The following TUT1 variants were observed in gnomAD, a reference collection of about 807,000 sequenced individuals.
The protein encoded by TUT1 is terminal uridylyl transferase 1, U6 snRNA-specific.
A neutral mutation model predicts 48.8 loss-of-function variants in TUT1; 26 were observed. The ratio of observed to expected loss-of-function variants is 0.53; its 90% confidence interval spans 0.39 to 0.74. The LOEUF (loss-of-function observed/expected upper bound fraction) is 0.74, where lower values mean the gene tolerates loss of function less well. Ranked by LOEUF, TUT1 falls within the 30% of genes least tolerant of loss-of-function variation. The pLI is 0.00. For synonymous variants in TUT1, 470 were observed against 460.8 expected, an observed-to-expected ratio of 1.02 and a Z score of -0.26; for missense variants, 1,065 against 1,114.8, an observed-to-expected ratio of 0.96 and a Z score of 0.64.
At chr11:62,585,462 A>C (rs1242588012) in intron 2 of TUT1, among the ~76,000 whole-genome samples, 2 of 152,146 alleles carry the variant, frequency 1.3e-5, no homozygotes, top group Admixed American at 6.5e-5. Flanking sequence ...AGTCTCTTTC[A>C]CTGGGCCTGT....
chr11:62,575,118 A>C lies in TUT1; in HGVS notation c.2601T>G (p.Pro867=). The C allele has an allele frequency of 6.4e-7, 1 of 1,572,552 alleles. No individual in the cohort carries two copies. The highest frequency in any genetic ancestry group is 8.6e-7 in the Non-Finnish European group (1 of 1,157,356). ...DLHHFLQVFL[P]QAIRHLK is the part of the protein sequence containing the mutation. ...TTCACTTGAGATGTCGAATTGCTTG[A>C]GGGAGGAAAACCTGTAAGAAATGAT... is the stretch of plus-strand genomic sequence containing the variant. Residue 867 remains proline, a synonymous_variant, in exon 9 of 9, where the codon CCT becomes CCG. Transcript: ENST00000476907.
Position 62,575,801 on chromosome 11 carries a change from T to G in TUT1, c.1918A>C (p.Lys640Gln). Reference protein sequence around the residue: ...ALGCHIEQATKRTRSEGGGTG... With the variant: ...ALGCHIEQATQRTRSEGGGTG... ...CCACCTCCTTCTGACCGCGTTCTCT[T>G]GGTTGCCTGTTCTATATGGCACCCC... The change falls in exon 9 of 9, where the codon AAG becomes CAG. Residue 640 changes from lysine to glutamine, a missense_variant. Lys to Gln is a moderately conservative substitution (Grantham distance 53, BLOSUM62 1). Transcript: ENST00000476907. The G allele has an allele frequency of 6.2e-7, 1 of 1,614,212 alleles. No homozygotes were observed. Among genetic ancestry groups the G allele is most frequent in the Non-Finnish European group, 8.5e-7 (1 of 1,180,042 alleles).
rs753121371 is a variant in TUT1 at position 62,589,211 on chromosome 11, A to G, written c.93T>C (p.Leu31=). The G allele has an allele frequency of 4.0e-5, 64 of 1,613,906 alleles. 1 individual carries two copies. In the South Asian group the frequency reaches 6.4e-4, roughly 16 times the overall value. Residue 31 remains leucine (L), a synonymous_variant, in exon 2 of 9, where the codon CTT becomes CTC. Coordinates refer to ENST00000476907, the MANE Select transcript of TUT1 (RefSeq NM_022830.3). ...GCTTTCTGCCTCCCAAGTGGGCATC[A>G]AGGCTGGGTCCTGCAAAGACAAGTG... ...CHVTTANRPS[L]DAHLGGRKHR...
chr11:62,575,466 C>G lies in TUT1; in HGVS notation c.2253G>C (p.Gln751His). The G allele has an allele frequency of 6.2e-7, 1 of 1,611,970 alleles. No individual in the cohort carries two copies. Among genetic ancestry groups the G allele is most frequent in the Non-Finnish European group, 8.5e-7 (1 of 1,180,026 alleles). ...KGHEAAQEWS[Q>H]GEAGKGASLP... Reference sequence around the variant, plus strand: ...GGGATGCCCCCTTCCCTGCCTCACCCTGAGACCATTCTTGGGCTGCCTCAT... The same window carrying G: ...GGGATGCCCCCTTCCCTGCCTCACCGTGAGACCATTCTTGGGCTGCCTCAT... The change falls in exon 9 of 9, where the codon CAG (glutamine) becomes CAC (histidine). Residue 751 changes from glutamine (Q) to histidine (H), a missense_variant. Gln to His is a conservative substitution (Grantham distance 24, BLOSUM62 0). Coordinates refer to ENST00000476907, the MANE Select transcript of TUT1 (RefSeq NM_022830.3).
chr11:62,579,947 G>A (rs898661229), intron 4 of TUT1, among the ~76,000 whole-genome samples: 13 of 150,200 alleles, frequency 8.7e-5, no homozygotes, highest in East Asian at 2.0e-4. Context: ...TTACACAGGC[G>A]TGAACCACCG....
intron 2 of TUT1, among the ~76,000 whole-genome samples, chr11:62,584,185 G>T: frequency 6.8e-6 from 1 of 148,084 alleles, no homozygotes; most frequent in Middle Eastern, 3.2e-3. Context: ...TGAGTACAGT[G>T]GCACACTCTC....
chr11:62,583,997 C>T (rs1411483250), intron 2 of TUT1, among the ~76,000 whole-genome samples: 2 of 152,160 alleles, frequency 1.3e-5, no homozygotes, highest in African/African-American at 4.8e-5. Flanking sequence ...CACCAGTACA[C>T]AGGCCTAAAT....
Position 62,591,407 on chromosome 11 carries a change from T to C in TUT1, c.79A>G (p.Asn27Asp). Residue 27 changes from asparagine (N) to aspartate (D), a missense_variant, in exon 1 of 9, where the codon AAC (asparagine) becomes GAC (aspartate). Transcript: ENST00000476907. ...TCCCTCACTAGCCACCGCTTACGGTTGGCTGTAGTAACGTGGCAGAGGCAG... is the reference window on the plus strand; with the variant it reads ...TCCCTCACTAGCCACCGCTTACGGTCGGCTGTAGTAACGTGGCAGAGGCAG... ...RCCLCHVTTANRPSLDAHLGG... is the reference protein window; with the variant it reads ...RCCLCHVTTADRPSLDAHLGG... The C allele has an allele frequency of 6.3e-7, 1 of 1,582,722 alleles. No individual in the cohort carries two copies. The highest frequency in any genetic ancestry group is 8.6e-7 in the Non-Finnish European group (1 of 1,165,880).
intron 5 of TUT1, 114 bp downstream of exon 5, chr11:62,578,447 A>T: frequency 1.0e-6 from 1 of 989,828 alleles, no homozygotes. Context: ...TGGGAGGCTG[A>T]GGCAGGAGAA....
chr11:62,579,170 C>CT (rs377622848), intron 4 of TUT1, 140 bp from the exon 5 acceptor site: 6,811 of 405,162 alleles, frequency 0.017, 3 homozygotes, highest in East Asian at 0.024. Context: ...CACAGGAACC[C>CT]TTTTTTTTTT....
chr11:62,577,707 T>C (rs1477818849), intron 5 of TUT1, among the ~76,000 whole-genome samples: 1 of 152,050 alleles, frequency 6.6e-6, no homozygotes, highest in Non-Finnish European at 1.5e-5. Context: ...GGAGAAACCT[T>C]TTTGCATCTA....
At chr11:62,581,065 C>T (rs1249066390) in intron 4 of TUT1, 41 bp downstream of exon 4, 15 of 1,543,454 alleles carry the variant, frequency 9.7e-6, no homozygotes, top group Non-Finnish European at 1.3e-5. Context: ...TGGCCATTCT[C>T]ATGGACTTTT....
chr11:62,591,509 AACACAAGC>A lies in TUT1; in HGVS notation c.-32_-25del, dbSNP rs1341226224. 3 of 1,613,838 alleles carry A rather than the reference AACACAAGC, an allele frequency of 1.9e-6. No homozygotes were observed. Among genetic ancestry groups the A allele is most frequent in the African/African-American group, 1.3e-5 (1 of 74,896 alleles). On this transcript the variant is annotated 5_prime_UTR_variant, in exon 1 of 9. Coordinates refer to ENST00000476907, the MANE Select transcript of TUT1 (RefSeq NM_022830.3). ...ATAGCGACTCTCCTGTACCGACAAAAACACAAGCACCTCTGCCACCACCGGAACCCACT... is the reference window on the plus strand; with the variant it reads ...ATAGCGACTCTCCTGTACCGACAAAAACCTCTGCCACCACCGGAACCCACT...
At chr11:62,590,313 T>C (rs1050915740) in intron 1 of TUT1, among the ~76,000 whole-genome samples, 53 of 152,164 alleles carry the variant, frequency 3.5e-4, no homozygotes, top group African/African-American at 1.3e-3. Context: ...GGCAACATGG[T>C]GAAAACCCAT....
chr11:62,588,945 C>T lies in TUT1; in HGVS notation c.273+86G>A, dbSNP rs1046123177. On this transcript the variant is annotated intron_variant, in intron 2 of 8. Coordinates refer to ENST00000476907, the MANE Select transcript of TUT1 (RefSeq NM_022830.3). ...CTAACCTCAGGTAATCCGCCTGCCT[C>T]AGCCTCCCAAAGTGATGGGATTACA... 4.5e-6 allele frequency: 6 copies of T among 1,322,538 alleles called. No homozygotes were observed. The African/African-American group carries it at 7.3e-5, about 16-fold the overall frequency. The allele number at this position is 1,322,538 out of a possible 1,614,324, so 81.9% of individuals were successfully genotyped here.
At chr11:62,583,716 G>C (rs940877117) in intron 2 of TUT1, among the ~76,000 whole-genome samples, 1 of 152,194 alleles carries the variant, frequency 6.6e-6, no homozygotes, top group Non-Finnish European at 1.5e-5. Flanking sequence ...TTATAAAAAG[G>C]TTCCTGCTAG....
intron 2 of TUT1, among the ~76,000 whole-genome samples, chr11:62,587,199 G>T (rs1218346183): frequency 6.6e-6 from 1 of 151,354 alleles, no homozygotes; most frequent in Non-Finnish European, 1.5e-5. Flanking sequence ...CTTTTTTTAT[G>T]AGATGGAGTT....
At chr11:62,588,400 A>G (rs1024304302) in intron 2 of TUT1, among the ~76,000 whole-genome samples, 6 of 152,198 alleles carry the variant, frequency 3.9e-5, no homozygotes, top group Non-Finnish European at 5.9e-5. Flanking sequence ...CTAAAAATAC[A>G]AAAATTAGCT....
intron 8 of TUT1, 26 bp from the exon 9 acceptor site, chr11:62,576,270 AG>A: frequency 3.9e-6 from 6 of 1,521,270 alleles, no homozygotes; most frequent in South Asian, 2.5e-5. Context: ...GAGTGGGGAA[AG>A]GGGGGTCACT....
Sources: gnomAD v4.1 joint callset for allele counts (sites outside exome capture counted in the v4.1 genomes callset) on GRCh38, gnomAD v4.1.1 for gene constraint, MANE v1.5 for transcripts, NCBI Gene and HGNC (gene_info 2026-07-23, HGNC 2026-07-21) for gene names.